ZDHHC11: variants seen among roughly 807,000 people sequenced by gnomAD.
ZDHHC11 encodes the protein zDHHC palmitoyltransferase 11.
Under a neutral mutation model 51.3 loss-of-function variants are expected in ZDHHC11, and 44 were observed. The observed-to-expected ratio is 0.86, with a 90% CI of 0.67 to 1.10. ZDHHC11 has a LOEUF of 1.10. Among genes scored for constraint, ZDHHC11 ranks in the 50% least tolerant of loss-of-function variants. The probability of loss-of-function intolerance (pLI) is 0.00; values close to 1 mark genes in which losing one functional copy is unlikely to be tolerated. For missense variants in ZDHHC11, 400 were observed against 537.7 expected, an observed-to-expected ratio of 0.74 and a Z score of 2.53; for synonymous variants, 163 against 222.0, an observed-to-expected ratio of 0.73 and a Z score of 2.36.
intron 6 of ZDHHC11, among the ~76,000 whole-genome samples, chr5:836,959 A>C (rs1579710483): frequency 6.6e-6 from 1 of 151,286 alleles, no homozygotes; most frequent in East Asian, 1.9e-4. Context: ...TGGGAGGCTG[A>C]GGTAGGCAAA....
rs1744030876 is a variant in ZDHHC11 at position 837,369 on chromosome 5, A to T, written c.896T>A (p.Leu299His). The T allele has an allele frequency of 6.2e-7, 1 of 1,613,720 alleles. No individual in the cohort carries two copies. Among genetic ancestry groups the T allele is most frequent in the Non-Finnish European group, 8.5e-7 (1 of 1,179,786 alleles). Residue 299 changes from leucine to histidine, a missense_variant, in exon 6 of 13, where the codon CTC (leucine) becomes CAC (histidine). Around this residue, in one of 5 missense-constraint regions of ZDHHC11, gnomAD observed 231 missense variants for 227.4 expected, o/e 1.02. Transcript: ENST00000283441. ...DPYVQMDKGV[L>H]QQGAGALGSS... is the part of the protein sequence containing the mutation. ...GAGCAGAGAGACAGGTGGTACCTGG[A>T]GAACTCCTTTGTCCATTTGCACGTA...
intron 7 of ZDHHC11, among the ~76,000 whole-genome samples, chr5:831,598 C>G (rs1743092081): frequency 6.9e-6 from 1 of 144,852 alleles, no homozygotes; most frequent in African/African-American, 2.6e-5. Flanking sequence ...AACAAACAAA[C>G]AAACAACAAA....
chr5:802,241 T>C (rs141529865), intron 11 of ZDHHC11, among the ~76,000 whole-genome samples: 3,504 of 150,862 alleles, frequency 0.023, 149 homozygotes, highest in East Asian at 0.12. Flanking sequence ...CACCAGATTA[T>C]TGCAGGGGGA....
chr5:827,765 C>A (rs1742483936), intron 7 of ZDHHC11, among the ~76,000 whole-genome samples: 1 of 146,874 alleles, frequency 6.8e-6, no homozygotes, highest in Admixed American at 6.8e-5. Context: ...TTTTATTGAT[C>A]ATTCTTGGGT....
Position 837,434 on chromosome 5 carries a change from T to G in ZDHHC11, c.831A>C (p.Lys277Asn). Reference protein sequence around the residue: ...TTFEYLINNRKEESSKHQAVR... With the variant: ...TTFEYLINNRNEESSKHQAVR... ...CTGCTTGATGTTTTGAACTCTCTTC[T>G]TTGCGGTTATTAATGAGATACTCAA... The change falls in exon 6 of 13, where the codon AAA (lysine) becomes AAC (asparagine). Residue 277 changes from lysine (K) to asparagine (N), a missense_variant. Lys to Asn is a moderately conservative substitution (Grantham distance 94, BLOSUM62 0). Coordinates refer to ENST00000283441, the MANE Select transcript of ZDHHC11 (RefSeq NM_024786.3). The G allele has an allele frequency of 6.2e-7, 1 of 1,611,720 alleles. No individual in the cohort carries two copies. The highest frequency in any genetic ancestry group is 8.5e-7 in the Non-Finnish European group (1 of 1,178,234).
intron 6 of ZDHHC11, among the ~76,000 whole-genome samples, chr5:837,052 G>T (rs1394941599): frequency 2.7e-5 from 4 of 146,996 alleles, no homozygotes; most frequent in African/African-American, 9.9e-5. Flanking sequence ...GCGAGACTCT[G>T]TCTCAAAAAA....
exon 1 of ZDHHC11, among the ~76,000 whole-genome samples, chr5:858,946 G>A (rs377457971): frequency 2.0e-5 from 3 of 152,048 alleles, no homozygotes; most frequent in African/African-American, 7.2e-5. Flanking sequence ...GAAAAGCAGC[G>A]TCGCTCTCGC....
chr5:804,418 C>T (rs542794137), intron 11 of ZDHHC11, among the ~76,000 whole-genome samples: 3 of 151,146 alleles, frequency 2.0e-5, no homozygotes, highest in Non-Finnish European at 3.0e-5. Flanking sequence ...AATGGGGGAG[C>T]AGGAGACTAC....
Position 848,634 on chromosome 5 carries a change from G to A in ZDHHC11, c.249C>T (p.His83=), listed in dbSNP as rs766346792. Residue 83 remains histidine, a synonymous_variant, in exon 2 of 13, where the codon CAC becomes CAT. Transcript: ENST00000283441. ...AGGACGCGATCAGGTGGACGACGAG[G>A]TGGAACGAGAAGATCCCCCCGGTCA... ...YVVTGGIFSF[H]LVVHLIASCI... 3.1e-5 allele frequency: 48 copies of A among 1,525,012 alleles called. No individual in the cohort carries two copies. The highest frequency in any genetic ancestry group is 4.1e-5 in the Non-Finnish European group (47 of 1,145,938). 94.5% of individuals were successfully genotyped at this position (1,525,012 alleles called of 1,614,324 possible). A position where few individuals can be genotyped will look rare whatever the true frequency, so the allele number is the denominator to read the frequency against.
At chr5:857,971 CGTCCT>C (rs1748502532) in intron 1 of ZDHHC11, among the ~76,000 whole-genome samples, 33 of 141,162 alleles carry the variant, frequency 2.3e-4, no homozygotes, top group African/African-American at 7.8e-4. Flanking sequence ...TCCTGGTCCC[CGTCCT>C]ATCTTTATGA....
chr5:856,398 A>G (rs1257702676), intron 1 of ZDHHC11, among the ~76,000 whole-genome samples: 1 of 151,392 alleles, frequency 6.6e-6, no homozygotes, highest in South Asian at 2.1e-4. Flanking sequence ...TACCACAGAC[A>G]CACAACACAA....
intron 4 of ZDHHC11, 197 bp from the exon 5 acceptor site, chr5:840,847 TC>T: frequency 6.8e-7 from 1 of 1,467,762 alleles, no homozygotes; most frequent in Non-Finnish European, 9.0e-7. Context: ...GTTTTCATGA[TC>T]CCTGCTTTAT....
chr5:819,612 T>G lies in ZDHHC11; in HGVS notation c.1059A>C (p.Gly353=). The G allele has an allele frequency of 5.6e-6, 9 of 1,609,030 alleles. 1 individual carries two copies. The highest frequency in any genetic ancestry group is 7.7e-6 in the Non-Finnish European group (9 of 1,176,096). ...TCAGCCGGGAGTTCCTGGCCTTGGCTCTGGTGGGGCAAACAGAAGGAAAGA... is the reference window on the plus strand; with the variant it reads ...TCAGCCGGGAGTTCCTGGCCTTGGCGCTGGTGGGGCAAACAGAAGGAAAGA... ...GDEDPCPSAL[G]AKARNSRLIC... is the part of the protein sequence containing the mutation. Residue 353 remains glycine, a splice_region_variant and synonymous_variant, in exon 10 of 13, where the codon GGA becomes GGC. Transcript: ENST00000283441.
rs369832076 is a variant in ZDHHC11 at position 819,577 on chromosome 5, C to T, written c.1094G>A (p.Arg365His). 1.2e-5 allele frequency: 19 copies of T among 1,609,880 alleles called. No homozygotes were observed. Among genetic ancestry groups the T allele is most frequent in the South Asian group, 7.7e-5 (7 of 90,938 alleles). The part of the protein sequence containing the change: ...KARNSRLICR[R>H]LCQFSTRVHP... Reference sequence around the variant, plus strand: ...TACACGAGTGGAGAACTGACACAGGCGCCTGCAAATCAGCCGGGAGTTCCT... The same window carrying T: ...TACACGAGTGGAGAACTGACACAGGTGCCTGCAAATCAGCCGGGAGTTCCT... The change falls in exon 10 of 13, where the codon CGC becomes CAC. Residue 365 changes from arginine to histidine, a missense_variant. Coordinates refer to ENST00000283441, the MANE Select transcript of ZDHHC11 (RefSeq NM_024786.3).
intron 7 of ZDHHC11, among the ~76,000 whole-genome samples, chr5:828,162 C>T (rs1461456004): frequency 6.6e-6 from 1 of 151,438 alleles, no homozygotes; most frequent in Non-Finnish European, 1.5e-5. Flanking sequence ...AGCAACCATC[C>T]GATTTCTCAA....
intron 8 of ZDHHC11, chr5:824,073 G>C (rs1202008979): frequency 8.8e-6 from 4 of 454,932 alleles, no homozygotes; most frequent in Non-Finnish European, 1.8e-5. Context: ...TGAAATCCTG[G>C]GGAAGTGTGG....
intron 1 of ZDHHC11, 98 bp from the exon 2 acceptor site, chr5:848,758 C>T: frequency 1.3e-6 from 2 of 1,512,742 alleles, no homozygotes; most frequent in South Asian, 1.3e-5. Context: ...GGCCGCTGGT[C>T]AGCCCTGCTC....
At position 850,312 on chromosome 5, in the gene ZDHHC11, C is replaced by T. The variant is rs887388612; in HGVS notation, c.222+69G>A. ...CCGGGCAGCCATGGCCCAGACCCCA[C>T]AGCCAGGTCCATCGCAAGTTCCTCC... On this transcript the variant is annotated intron_variant, in intron 1 of 12. Coordinates refer to ENST00000283441, the MANE Select transcript of ZDHHC11 (RefSeq NM_024786.3). 5.2e-6 allele frequency: 8 copies of T among 1,535,112 alleles called. No homozygotes were observed. In the African/African-American group the frequency reaches 8.2e-5, roughly 16 times the overall value.
At position 847,987 on chromosome 5, in the gene ZDHHC11, GGCCTCCCTT is replaced by G. The variant is rs1746527465; in HGVS notation, c.402-381_402-373del. 2.6e-5 allele frequency among the ~76,000 whole-genome samples: 4 copies of G among 151,912 alleles called. No individual in the cohort carries two copies. The South Asian group carries it at 8.3e-4, about 31-fold the overall frequency. ...GCTTGGATCCCACCTGTGCCTACAG[GGCCTCCCTT>G]GCAGCTGACAACAGCCCTGTAGCCA... On this transcript the variant is annotated intron_variant, in intron 2 of 12. Coordinates refer to ENST00000283441, the MANE Select transcript of ZDHHC11 (RefSeq NM_024786.3).
Sources: allele counts gnomAD v4.1 joint callset (sites outside exome capture counted in the v4.1 genomes callset), GRCh38; gene constraint gnomAD v4.1.1; regional missense constraint gnomAD v4.1.1; transcripts MANE v1.5; gene names NCBI Gene and HGNC (gene_info 2026-07-23, HGNC 2026-07-21).